Variants in EGF observed in about 807,000 individuals in gnomAD.
EGF encodes epidermal growth factor.
In EGF, 95 loss-of-function variants were observed where a neutral mutation model predicts 143.8. The observed-to-expected ratio is 0.66, with a 90% CI of 0.56 to 0.78. The LOEUF (loss-of-function observed/expected upper bound fraction) is 0.78, where lower values mean the gene tolerates loss of function less well. Ranked by LOEUF, EGF falls within the 30% of genes least tolerant of loss-of-function variation. The pLI is 0.00. For synonymous variants in EGF, 510 were observed against 510.5 expected (o/e 1.00, Z 0.01); for missense variants, 1,320 against 1,470.9 (o/e 0.90, Z 1.68).
At position 110,012,523 on chromosome 4, in the gene EGF, G is replaced by A. The variant is rs928256231; in HGVS notation, c.*1068G>A. Among the ~76,000 whole-genome samples, 10 of 152,104 alleles carry A rather than the reference G, an allele frequency of 6.6e-5. No homozygotes were observed. Among genetic ancestry groups the A allele is most frequent in the African/African-American group, 2.4e-4 (10 of 41,430 alleles). Reference sequence around the variant, plus strand: ...CGAGTAACTAGGACCACAGGCACAGGCCACCATGCCTGGCTAAGGTTTTTA... The same window carrying A: ...CGAGTAACTAGGACCACAGGCACAGACCACCATGCCTGGCTAAGGTTTTTA... On this transcript the variant is annotated 3_prime_UTR_variant, in exon 24 of 24. Transcript: ENST00000265171.
intron 21 of EGF, among the ~76,000 whole-genome samples, chr4:110,000,680 G>C (rs951106232): frequency 2.0e-5 from 3 of 152,166 alleles, no homozygotes; most frequent in African/African-American, 7.2e-5. Flanking sequence ...TAGGGTGCAG[G>C]CACAGGCATC....
chr4:109,950,329 C>A lies in EGF; in HGVS notation c.940+5054C>A, dbSNP rs552708431. On this transcript the variant is annotated intron_variant, in intron 5 of 23. Transcript: ENST00000265171. ...AGCGGAAACCGAGGAGTTGCCTGTTCCTTCATCTTCCTCACTCTCATCCCA... is the reference window on the plus strand; with the variant it reads ...AGCGGAAACCGAGGAGTTGCCTGTTACTTCATCTTCCTCACTCTCATCCCA... Among the ~76,000 whole-genome samples, 30 of 152,232 alleles carry A rather than the reference C, an allele frequency of 2.0e-4. 1 individual carries two copies. In the South Asian group the frequency reaches 6.2e-3, roughly 32 times the overall value.
At chr4:109,921,809 C>T (rs1024204555) in intron 1 of EGF, among the ~76,000 whole-genome samples, 1 of 151,582 alleles carries the variant, frequency 6.6e-6, no homozygotes, top group East Asian at 1.9e-4. Flanking sequence ...CAACACTTTT[C>T]TGGTTAAAAT....
At chr4:109,977,536 T>TA (rs201467416) in intron 13 of EGF, 1,816 of 142,586 alleles carry the variant, frequency 0.013, 11 homozygotes, top group Non-Finnish European at 0.021. Flanking sequence ...CATACATTAC[T>TA]AAAAAAAAAA....
At chr4:109,988,004 T>A in intron 17 of EGF, 144 bp downstream of exon 17, 185 of 646,676 alleles carry the variant, frequency 2.9e-4, no homozygotes, top group East Asian at 5.3e-4. Flanking sequence ...AAAAAAAAAA[T>A]TGAATGACAT....
intron 1 of EGF, among the ~76,000 whole-genome samples, chr4:109,925,291 A>T (rs1441184678): frequency 6.6e-6 from 1 of 152,228 alleles, no homozygotes; most frequent in African/African-American, 2.4e-5. Flanking sequence ...ATCAATGAAA[A>T]TGTGATGAAG....
In EGF at chr4:109,936,054, G is replaced by A. The variant is rs1404499407; in HGVS notation, c.128-4892G>A. Among the ~76,000 whole-genome samples the A allele has an allele frequency of 2.6e-5, 4 of 152,256 alleles. No individual in the cohort carries two copies. The East Asian group carries it at 5.8e-4, about 22-fold the overall frequency. ...AGGCTTTGATATCAGGATGATGCTG[G>A]CCTCATAAAATGAGTTAGGGAAGAT... On this transcript the variant is annotated intron_variant, in intron 1 of 23. Coordinates refer to ENST00000265171, the MANE Select transcript of EGF (RefSeq NM_001963.6).
chr4:109,994,718 C>T lies in EGF; in HGVS notation c.2858-15C>T, dbSNP rs368642535. 1.2e-6 allele frequency: 2 copies of T among 1,613,596 alleles called. No homozygotes were observed. Among genetic ancestry groups the T allele is most frequent in the South Asian group, 2.2e-5 (2 of 91,062 alleles). ...TCCATTCAGAAAGTAAAAGTAATGT[C>T]TTGGGTTCTTTTAGACTCTACTCCA... On this transcript the variant is annotated splice_polypyrimidine_tract_variant and intron_variant, in intron 19 of 23. Coordinates refer to ENST00000265171, the MANE Select transcript of EGF (RefSeq NM_001963.6).
At position 109,999,850 on chromosome 4, in the gene EGF, A is replaced by T. The variant is rs778561427; in HGVS notation, c.3173+4A>T. Reference sequence around the variant, plus strand: ...TGTGGGGGGCCCACTACTACAGGTGACCCTGTCTTTCCTTTGGTACTGGAA... The same window carrying T: ...TGTGGGGGGCCCACTACTACAGGTGTCCCTGTCTTTCCTTTGGTACTGGAA... On this transcript the variant is annotated splice_donor_region_variant and intron_variant, in intron 21 of 23. Transcript: ENST00000265171. 6.2e-7 allele frequency: 1 copy of T among 1,613,044 alleles called. No individual in the cohort carries two copies. The highest frequency in any genetic ancestry group is 1.7e-5 in the Admixed American group (1 of 60,020).
intron 3 of EGF, 137 bp downstream of exon 3, chr4:109,943,572 C>A: frequency 1.0e-6 from 1 of 957,792 alleles, no homozygotes; most frequent in Non-Finnish European, 1.6e-6. Context: ...GCACCGTTTT[C>A]TATAGGACAG....
chr4:109,959,291 A>G, intron 5 of EGF, 21 bp from the exon 6 acceptor site: 1 of 1,613,784 alleles, frequency 6.2e-7, no homozygotes, highest in Non-Finnish European at 8.5e-7. Context: ...CCCACTCCAA[A>G]TAAAGCATCT....
chr4:109,941,075 A>G lies in EGF; in HGVS notation c.257A>G (p.Lys86Arg), dbSNP rs1442172047. The change falls in exon 2 of 24, where the codon AAA becomes AGA. Residue 86 changes from lysine (K) to arginine (R), a missense_variant. Around this residue, in one of 5 missense-constraint regions of EGF, gnomAD observed 41 missense variants for 38.1 expected, o/e 1.07. Coordinates refer to ENST00000265171, the MANE Select transcript of EGF (RefSeq NM_001963.6). ...SVIMDFHYNE[K>R]RIYWVDLERQ... ...ATCATGGATTTTCATTATAATGAGA[A>G]AAGAATCTATTGGGTGGATTTAGAA... is the stretch of plus-strand genomic sequence containing the variant. 1.9e-6 allele frequency: 3 copies of G among 1,613,926 alleles called. No homozygotes were observed. In the African/African-American group the frequency reaches 4.0e-5, roughly 22 times the overall value.
Position 109,915,606 on chromosome 4 carries a change from C to A in EGF, c.127+2144C>A, listed in dbSNP as rs115817230. ...CTGGTCTCATGTTAGCTGATAACTG[C>A]CTGGGTCACCCTTTGTCAGTCACTG... On this transcript the variant is annotated intron_variant, in intron 1 of 23. Coordinates refer to ENST00000265171, the MANE Select transcript of EGF (RefSeq NM_001963.6). Among the ~76,000 whole-genome samples the A allele has an allele frequency of 5.1e-3, 772 of 152,276 alleles. 7 individuals carry two copies. The highest frequency in any genetic ancestry group is 0.018 in the African/African-American group (741 of 41,546).
At position 109,983,542 on chromosome 4, in the gene EGF, G is replaced by A; in HGVS notation, c.2491+1G>A. 1.9e-6 allele frequency: 3 copies of A among 1,613,538 alleles called. No individual in the cohort carries two copies. The highest frequency in any genetic ancestry group is 1.1e-5 in the South Asian group (1 of 91,078). Reference sequence around the variant, plus strand: ...CTAGTGGCTGAAATCATGGTGTCAGGTATGAATAACTAGTTCTCCAATATA... The same window carrying A: ...CTAGTGGCTGAAATCATGGTGTCAGATATGAATAACTAGTTCTCCAATATA... On this transcript the variant is annotated splice_donor_variant, in intron 16 of 23. Coordinates refer to ENST00000265171, the MANE Select transcript of EGF (RefSeq NM_001963.6). LOFTEE classifies it high-confidence loss of function.
intron 19 of EGF, 47 bp downstream of exon 19, chr4:109,993,416 G>A: frequency 6.2e-7 from 1 of 1,610,438 alleles, no homozygotes; most frequent in Non-Finnish European, 8.5e-7. Context: ...CTTGGCTCGG[G>A]GATATTCTAT....
Position 109,999,847 on chromosome 4 carries a change from G to A in EGF, c.3173+1G>A, listed in dbSNP as rs1270340770. 6 of 1,613,068 alleles carry A rather than the reference G, an allele frequency of 3.7e-6. No individual in the cohort carries two copies. Among genetic ancestry groups the A allele is most frequent in the South Asian group, 1.1e-5 (1 of 91,034 alleles). ...GCCTGTGGGGGGCCCACTACTACAG[G>A]TGACCCTGTCTTTCCTTTGGTACTG... is the stretch of plus-strand genomic sequence containing the variant. On this transcript the variant is annotated splice_donor_variant, in intron 21 of 23. Transcript: ENST00000265171. LOFTEE classifies it high-confidence loss of function.
chr4:109,995,258 TC>T (rs1220969977), intron 20 of EGF, among the ~76,000 whole-genome samples: 3 of 152,232 alleles, frequency 2.0e-5, no homozygotes, highest in African/African-American at 7.2e-5. Flanking sequence ...TGTGTGAGCA[TC>T]CGTGATCTGT....
intron 1 of EGF, chr4:109,940,738 T>C: frequency 1.8e-6 from 1 of 568,976 alleles, no homozygotes; most frequent in Non-Finnish European, 3.1e-6. Context: ...GTTCATGTCT[T>C]ATAATCAGTT....
At chr4:109,963,829 C>A (rs1746106229) in intron 9 of EGF, among the ~76,000 whole-genome samples, 1 of 152,152 alleles carries the variant, frequency 6.6e-6, no homozygotes, top group Non-Finnish European at 1.5e-5. Context: ...ATGTTTTAAA[C>A]ATATAATGCT....
Sources: gnomAD v4.1 joint callset for allele counts (sites outside exome capture counted in the v4.1 genomes callset) on GRCh38, gnomAD v4.1.1 for gene constraint, gnomAD v4.1.1 regional missense constraint, MANE v1.5 for transcripts, NCBI Gene and HGNC (gene_info 2026-07-23, HGNC 2026-07-21) for gene names.